Variants in AGAP1 observed in about 807,000 individuals in gnomAD.
The protein encoded by AGAP1 is arf-GAP with GTPase, ANK repeat and PH domain-containing protein 1.
In AGAP1, 29 loss-of-function variants were observed where a neutral mutation model predicts 105.3. The ratio of observed to expected loss-of-function variants is 0.28; its 90% CI spans 0.21 to 0.38. The LOEUF (loss-of-function observed/expected upper bound fraction) is 0.38. AGAP1 is among the 10% of genes least tolerant of loss of function. The probability of loss-of-function intolerance (pLI) is 1.00; values close to 1 mark genes in which losing one functional copy is unlikely to be tolerated. For synonymous variants in AGAP1, 509 were observed against 485.9 expected (o/e 1.05, Z -0.63); for missense variants, 998 against 1,165.1 (o/e 0.86, Z 2.09).
chr2:236,014,805 C>T lies in AGAP1; in HGVS notation c.1646-21756C>T. 2.2e-6 allele frequency: 1 copy of T among 455,604 alleles called. No homozygotes were observed. Among genetic ancestry groups the T allele is most frequent in the Non-Finnish European group, 4.5e-6 (1 of 221,384 alleles). The allele number at this position is 455,604 out of a possible 1,614,324, so 28.2% of individuals were successfully genotyped here. A position where few individuals can be genotyped will look rare whatever the true frequency, so the allele number is the denominator to read the frequency against. ...TCCCCTTTCTGCTCTCGGGATGCAG[C>T]CAAACGCAAAGCATGGAAACTAAAC... is the stretch of plus-strand genomic sequence containing the variant. On this transcript the variant is annotated intron_variant, in intron 13 of 17. Coordinates refer to ENST00000304032, the MANE Select transcript of AGAP1 (RefSeq NM_001037131.3). The surrounding 1 kb of genome is among the most constrained non-coding windows in gnomAD (Gnocchi z 6.3).
rs1299619986 is a variant in AGAP1, at chr2:235,662,357, G to A, written c.164-46822G>A. On this transcript the variant is annotated intron_variant, in intron 1 of 17. Coordinates refer to ENST00000304032, the MANE Select transcript of AGAP1 (RefSeq NM_001037131.3). This position sits in a 1 kb window ranked among gnomAD's most constrained non-coding sequence, Gnocchi z 4.2. ...GAGCTGATGAGGAAAGTCTTGGTATGTAACCAACCAGGTCTCACCTTCAGC... is the reference window on the plus strand; with the variant it reads ...GAGCTGATGAGGAAAGTCTTGGTATATAACCAACCAGGTCTCACCTTCAGC... 6.6e-6 allele frequency among the ~76,000 whole-genome samples: 1 copy of A among 152,186 alleles called. No homozygotes were observed. The highest frequency in any genetic ancestry group is 1.5e-5 in the Non-Finnish European group (1 of 68,034).
In AGAP1 at chr2:235,875,164, C is replaced by T. The variant is rs1337220205; in HGVS notation, c.1051-8181C>T. ...GTCAGCCTTGTTTTATAAATGAGGT[C>T]ACTTTTCAACCTTACTGGTCCATGG... On this transcript the variant is annotated intron_variant, in intron 9 of 17. Transcript: ENST00000304032. This position sits in a 1 kb window ranked among gnomAD's most constrained non-coding sequence, Gnocchi z 4.0. Among the ~76,000 whole-genome samples the T allele has an allele frequency of 6.6e-6, 1 of 152,198 alleles. No homozygotes were observed. Among genetic ancestry groups the T allele is most frequent in the Admixed American group, 6.5e-5 (1 of 15,284 alleles).
chr2:235,810,151 T>G (rs994595974), intron 9 of AGAP1, among the ~76,000 whole-genome samples: 2 of 152,184 alleles, frequency 1.3e-5, no homozygotes, highest in African/African-American at 4.8e-5. Flanking sequence ...CAAAAATATC[T>G]TACGACTGTA....
intron 13 of AGAP1, among the ~76,000 whole-genome samples, chr2:235,972,960 C>T (rs1413999182): frequency 1.3e-5 from 2 of 152,024 alleles, no homozygotes; most frequent in Non-Finnish European, 2.9e-5. Context: ...CAGCTGTGTG[C>T]GACAAGGACC....
At chr2:235,850,660 G>T (rs959362886) in intron 9 of AGAP1, among the ~76,000 whole-genome samples, 7 of 152,250 alleles carry the variant, frequency 4.6e-5, no homozygotes, top group African/African-American at 1.7e-4. Context: ...ATGAGCTGTT[G>T]TGTATTCTCA....
chr2:235,547,448 TC>T (rs1943663404), intron 1 of AGAP1, among the ~76,000 whole-genome samples: 1 of 147,498 alleles, frequency 6.8e-6, no homozygotes, highest in Admixed American at 7.1e-5. Context: ...AACCTCTGCC[TC>T]CCGGGTTCAA....
intron 1 of AGAP1, among the ~76,000 whole-genome samples, chr2:235,661,703 G>T (rs1164608618): frequency 1.3e-5 from 2 of 152,194 alleles, no homozygotes; most frequent in East Asian, 3.9e-4. Flanking sequence ...CTGCTGATCT[G>T]TAGACCGTGC....
intron 1 of AGAP1, among the ~76,000 whole-genome samples, chr2:235,681,761 G>A (rs1242430051): frequency 6.6e-6 from 1 of 151,576 alleles, no homozygotes; most frequent in Admixed American, 6.6e-5. Context: ...AGAGCAGTAG[G>A]TTGGGAATTA....
chr2:235,827,645 G>A (rs1959144286), intron 9 of AGAP1, among the ~76,000 whole-genome samples: 1 of 152,184 alleles, frequency 6.6e-6, no homozygotes, highest in Non-Finnish European at 1.5e-5. Context: ...TCTACCCTCT[G>A]AGCATGAGTC....
intron 6 of AGAP1, among the ~76,000 whole-genome samples, chr2:235,794,571 A>C (rs1957154559): frequency 3.3e-5 from 5 of 152,182 alleles, no homozygotes; most frequent in Admixed American, 2.6e-4. Context: ...TCCCCGGTTC[A>C]AGTGATTCTC....
intron 16 of AGAP1, among the ~76,000 whole-genome samples, chr2:236,103,131 C>G (rs1270914219): frequency 6.6e-6 from 1 of 152,086 alleles, no homozygotes; most frequent in Non-Finnish European, 1.5e-5. Flanking sequence ...CCTCCCTGCT[C>G]CAGACAGCAC....
intron 16 of AGAP1, among the ~76,000 whole-genome samples, chr2:236,110,393 CA>C (rs11401711): frequency 3.4e-4 from 50 of 145,130 alleles, no homozygotes; most frequent in South Asian, 1.1e-3. Context: ...CCCTTCTCTA[CA>C]AAAAAAAAAA....
chr2:235,627,288 G>A (rs1038618475), intron 1 of AGAP1, among the ~76,000 whole-genome samples: 1 of 149,732 alleles, frequency 6.7e-6, no homozygotes, highest in Non-Finnish European at 1.5e-5. Context: ...CACCTCCCGG[G>A]TTTAAGCAAT....
chr2:236,123,973 G>A lies in AGAP1; in HGVS notation c.2425G>A (p.Ala809Thr), dbSNP rs537880762. The change falls in exon 18 of 18, where the codon GCC (alanine) becomes ACC (threonine). Residue 809 changes from alanine to threonine, a missense_variant. Physicochemically the swap from Ala to Thr is moderately conservative, Grantham distance 58 (BLOSUM62 0). Around this residue, in one of 3 missense-constraint regions of AGAP1, gnomAD observed 235 missense variants for 270.7 expected, o/e 0.87. Coordinates refer to ENST00000304032, the MANE Select transcript of AGAP1 (RefSeq NM_001037131.3). The surrounding 1 kb of genome is among the most constrained non-coding windows in gnomAD (Gnocchi z 4.6). ...DAHGNTALAY[A>T]RQASSQECID... ...CCACGGGAACACAGCTCTGGCCTAC[G>A]CCCGGCAGGCCTCCAGCCAGGAGTG... is the stretch of plus-strand genomic sequence containing the variant. 2 of 1,613,894 alleles carry A rather than the reference G, an allele frequency of 1.2e-6. No individual in the cohort carries two copies. Among genetic ancestry groups the A allele is most frequent in the East Asian group, 2.2e-5 (1 of 44,870 alleles).
At chr2:235,673,546 A>T (rs1308204251) in intron 1 of AGAP1, among the ~76,000 whole-genome samples, 1 of 152,176 alleles carries the variant, frequency 6.6e-6, no homozygotes, top group Non-Finnish European at 1.5e-5. Context: ...AAATATCCAT[A>T]CTCAGTGAAA....
intron 4 of AGAP1, among the ~76,000 whole-genome samples, chr2:235,743,297 C>A (rs1025453993): frequency 2.0e-5 from 3 of 152,232 alleles, no homozygotes; most frequent in Admixed American, 6.5e-5. Flanking sequence ...ATGAGAGCCA[C>A]AGTTCACGTT....
chr2:235,962,145 G>A lies in AGAP1; in HGVS notation c.1484-6317G>A, dbSNP rs114604485. On this transcript the variant is annotated intron_variant, in intron 12 of 17. Coordinates refer to ENST00000304032, the MANE Select transcript of AGAP1 (RefSeq NM_001037131.3). This position sits in a 1 kb window ranked among gnomAD's most constrained non-coding sequence, Gnocchi z 5.3. ...GTGTGGGGCGTGGGGTGTTTGAAGC[G>A]GGAGGAGAAGCTTTGAAATAGCCCC... is the stretch of plus-strand genomic sequence containing the variant. Among the ~76,000 whole-genome samples, 331 of 151,802 alleles carry A rather than the reference G, an allele frequency of 2.2e-3. No homozygotes were observed. The highest frequency in any genetic ancestry group is 3.6e-3 in the Non-Finnish European group (247 of 67,998).
At chr2:235,674,383 G>A (rs1297023598) in intron 1 of AGAP1, among the ~76,000 whole-genome samples, 1 of 152,212 alleles carries the variant, frequency 6.6e-6, no homozygotes, top group Non-Finnish European at 1.5e-5. Flanking sequence ...ATTGTAGGGG[G>A]TCCCCTTGCA....
rs1479660086 is a variant in AGAP1, at chr2:235,611,824, T to G, written c.164-97355T>G. Reference sequence around the variant, plus strand: ...TTGTAGTTTTCATATAAATTAGATTTACATAGGAGACAAAGAAATCCTTCC... The same window carrying G: ...TTGTAGTTTTCATATAAATTAGATTGACATAGGAGACAAAGAAATCCTTCC... On this transcript the variant is annotated intron_variant, in intron 1 of 17. Transcript: ENST00000304032. The surrounding 1 kb of genome is among the most constrained non-coding windows in gnomAD (Gnocchi z 5.0). Among the ~76,000 whole-genome samples the G allele has an allele frequency of 1.3e-5, 2 of 152,236 alleles. No homozygotes were observed. Among genetic ancestry groups the G allele is most frequent in the Non-Finnish European group, 2.9e-5 (2 of 68,044 alleles).
Sources: gnomAD v4.1 joint callset for allele counts (sites outside exome capture counted in the v4.1 genomes callset) on GRCh38, gnomAD v4.1.1 for gene constraint, gnomAD v4.1.1 regional missense constraint, Gnocchi (gnomAD v3.1) non-coding constraint, MANE v1.5 for transcripts, NCBI Gene and HGNC (gene_info 2026-07-23, HGNC 2026-07-21) for gene names.